BCOR: variants seen among roughly 807,000 people sequenced by gnomAD.
The protein encoded by BCOR is BCL6 corepressor.
Under a neutral mutation model 86.7 loss-of-function variants are expected in BCOR, and 10 were observed. The observed-to-expected ratio is 0.12, with a 90% CI of 0.07 to 0.20. The LOEUF (loss-of-function observed/expected upper bound fraction) is 0.20, where lower values mean the gene tolerates loss of function less well. BCOR is among the 10% of genes least tolerant of loss of function. The probability of loss-of-function intolerance (pLI) is 1.00; values close to 1 mark genes in which losing one functional copy is unlikely to be tolerated. For missense variants in BCOR, 1,259 were observed against 1,452.1 expected (o/e 0.87, Z 2.16); for synonymous variants, 611 against 609.0 (o/e 1.00, Z -0.05).
rs766578072 is a variant in BCOR, at chrX:40,052,184, G to A, written c.5193C>T (p.Asn1731=). The A allele has an allele frequency of 4.4e-5, 53 of 1,208,968 alleles. No homozygotes were observed. The East Asian group carries it at 6.5e-4, about 15-fold the overall frequency. ...KELLDLVEFT[N]EIQTLLGSSV... ...AGGAGCCCAGCAGAGTCTGAATTTC[G>A]TTCGTGAATTCCACCAGATCTAACA... Residue 1731 remains asparagine, a synonymous_variant, in exon 15 of 15, where the codon AAC becomes AAT. Coordinates refer to ENST00000378444, the MANE Select transcript of BCOR (RefSeq NM_001123385.2).
intron 1 of BCOR, among the ~76,000 whole-genome samples, chrX:40,130,503 T>C (rs1265300325): frequency 8.9e-6 from 1 of 112,029 alleles, no homozygotes; most frequent in African/African-American, 3.2e-5. Flanking sequence ...GTGGGGCACA[T>C]AGAAGGAGCC....
At chrX:40,128,129 G>A (rs1937566520) in intron 1 of BCOR, among the ~76,000 whole-genome samples, 1 of 111,116 alleles carries the variant, frequency 9.0e-6, no homozygotes. Flanking sequence ...GGTGCCTGAG[G>A]CAGGAGAATC....
chrX:40,073,352 C>T lies in BCOR; in HGVS notation c.1994G>A (p.Gly665Asp), dbSNP rs759586560. The change falls in exon 4 of 15, where the codon GGC becomes GAC. Residue 665 changes from glycine to aspartate, a missense_variant. Physicochemically the swap from Gly to Asp is moderately conservative, Grantham distance 94. This residue lies in a region of BCOR where 534 missense variants were observed against 594.8 expected (regional missense o/e 0.90). Coordinates refer to ENST00000378444, the MANE Select transcript of BCOR (RefSeq NM_001123385.2). ...RSYLPYPAPE[G>D]IAVSPLSLHG... Reference sequence around the variant, plus strand: ...TAAGGAGAGGGGACTTACAGCAATGCCCTCAGGGGCTGGGTAAGGGAGGTA... The same window carrying T: ...TAAGGAGAGGGGACTTACAGCAATGTCCTCAGGGGCTGGGTAAGGGAGGTA... 10 of 1,211,624 alleles carry T rather than the reference C, an allele frequency of 8.3e-6. No homozygotes were observed. Among genetic ancestry groups the T allele is most frequent in the Non-Finnish European group, 1.0e-5 (9 of 895,189 alleles).
At chrX:40,145,546 A>C (rs1232667081) in intron 1 of BCOR, among the ~76,000 whole-genome samples, 4 of 110,697 alleles carry the variant, frequency 3.6e-5, no homozygotes, top group African/African-American at 1.3e-4. Context: ...ACCTCCACTA[A>C]GCCTGGAGGC....
chrX:40,161,381 G>T (rs772463953), intron 1 of BCOR, among the ~76,000 whole-genome samples: 8 of 108,995 alleles, frequency 7.3e-5, no homozygotes, highest in African/African-American at 2.7e-4. Context: ...TGTATTTTTA[G>T]TAGAGAAGGG....
intron 1 of BCOR, among the ~76,000 whole-genome samples, chrX:40,112,040 G>C (rs1445306496): frequency 9.2e-6 from 1 of 109,238 alleles, no homozygotes; most frequent in African/African-American, 3.4e-5. Flanking sequence ...AGGAGTGGGG[G>C]CCGGGGTGGG....
intron 1 of BCOR, among the ~76,000 whole-genome samples, chrX:40,157,715 T>A (rs1938326555): frequency 9.0e-6 from 1 of 111,602 alleles, no homozygotes; most frequent in African/African-American, 3.3e-5. Flanking sequence ...CCTTCTGACC[T>A]CCCAACCTGA....
chrX:40,141,357 T>C (rs1937919428), intron 1 of BCOR, among the ~76,000 whole-genome samples: 1 of 112,637 alleles, frequency 8.9e-6, no homozygotes, highest in Non-Finnish European at 1.9e-5. Flanking sequence ...TGTTTAGGAA[T>C]GTGCTTTGAA....
chrX:40,104,073 G>A (rs999029209), intron 1 of BCOR, among the ~76,000 whole-genome samples: 1 of 111,426 alleles, frequency 9.0e-6, no homozygotes, highest in African/African-American at 3.3e-5. Flanking sequence ...AGGCTTTCTC[G>A]CGGGGGGCAG....
At chrX:40,076,700 G>A (rs970630868) in intron 2 of BCOR, among the ~76,000 whole-genome samples, 168 bp from the exon 3 acceptor site, 2 of 112,268 alleles carry the variant, frequency 1.8e-5, no homozygotes, top group African/African-American at 6.5e-5. Context: ...CCCCCAAATG[G>A]TGATTCAACT....
intron 1 of BCOR, among the ~76,000 whole-genome samples, chrX:40,131,705 A>G (rs1256516550): frequency 1.8e-5 from 2 of 111,457 alleles, no homozygotes; most frequent in African/African-American, 6.5e-5. Flanking sequence ...CCTATGGCCC[A>G]GTAGACATGA....
intron 6 of BCOR, among the ~76,000 whole-genome samples, chrX:40,067,333 C>T (rs1935252732): frequency 8.9e-6 from 1 of 111,981 alleles, no homozygotes; most frequent in South Asian, 3.8e-4. Context: ...TGGGGCTCCC[C>T]ATCTAGGAAA....
chrX:40,140,841 T>C (rs891927068), intron 1 of BCOR, among the ~76,000 whole-genome samples: 8 of 113,298 alleles, frequency 7.1e-5, no homozygotes, highest in African/African-American at 2.2e-4. Flanking sequence ...TGAGCAGTGA[T>C]TCTCAGCACA....
At chrX:40,153,212 C>T (rs887229603) in intron 1 of BCOR, among the ~76,000 whole-genome samples, 2 of 113,016 alleles carry the variant, frequency 1.8e-5, no homozygotes, top group African/African-American at 6.4e-5. Context: ...CTGCACACCT[C>T]CGCCCTAGAG....
chrX:40,156,389 G>A (rs1430626708), intron 1 of BCOR, among the ~76,000 whole-genome samples: 1 of 111,982 alleles, frequency 8.9e-6, no homozygotes, highest in Non-Finnish European at 1.9e-5. Flanking sequence ...GGTAGGGCTG[G>A]GGCGGCACAG....
intron 1 of BCOR, among the ~76,000 whole-genome samples, chrX:40,105,461 G>T (rs2147803555): frequency 8.9e-6 from 1 of 112,292 alleles, no homozygotes; most frequent in Admixed American, 9.2e-5. Context: ...CTCGCCCCAG[G>T]CGACCACCCG....
Position 40,055,430 on chromosome X carries a change from G to A in BCOR, c.4679C>T (p.Thr1560Met), listed in dbSNP as rs762705967. 15 of 1,208,455 alleles carry A rather than the reference G, an allele frequency of 1.2e-5. No individual in the cohort carries two copies. The highest frequency in any genetic ancestry group is 1.1e-4 in the Admixed American group (5 of 45,778). ...TTTCATGATGGTTCTACCTGAGTAC[G>A]TAGCCAAGGTGGGGTCAGCACCATA... ...LSYGADPTLA[T>M]YSGRTIMKMT... The change falls in exon 12 of 15, where the codon ACG becomes ATG. Residue 1560 changes from threonine (T) to methionine (M), a missense_variant. By Grantham distance (81) the Thr-to-Met change is moderately conservative. Coordinates refer to ENST00000378444, the MANE Select transcript of BCOR (RefSeq NM_001123385.2).
At chrX:40,170,886 C>G (rs1383499594) in intron 1 of BCOR, among the ~76,000 whole-genome samples, 3 of 112,214 alleles carry the variant, frequency 2.7e-5, no homozygotes, top group Non-Finnish European at 5.6e-5. Flanking sequence ...ATCAGCAAGT[C>G]ACTGGTTTTT....
At chrX:40,139,069 C>T (rs1937753128) in intron 1 of BCOR, among the ~76,000 whole-genome samples, 1 of 108,096 alleles carries the variant, frequency 9.3e-6, no homozygotes, top group African/African-American at 3.4e-5. Context: ...GCTATTTAAT[C>T]CTGCAAGCTT....
Sources: gnomAD v4.1 joint callset for allele counts (sites outside exome capture counted in the v4.1 genomes callset) on GRCh38, gnomAD v4.1.1 for gene constraint, gnomAD v4.1.1 regional missense constraint, MANE v1.5 for transcripts, NCBI Gene and HGNC (gene_info 2026-07-23, HGNC 2026-07-21) for gene names.